Variants in TNIP1 observed in about 807,000 individuals in gnomAD.
The protein encoded by TNIP1 is TNFAIP3-interacting protein 1.
Under a neutral mutation model 86.6 loss-of-function variants are expected in TNIP1, and 22 were observed. The ratio of observed to expected loss-of-function variants is 0.25; its 90% confidence interval spans 0.18 to 0.36. TNIP1 has a LOEUF of 0.36. TNIP1 is among the 10% of genes least tolerant of loss of function. The pLI is 1.00. For missense variants in TNIP1, 709 were observed against 820.6 expected, an observed-to-expected ratio of 0.86 and a Z score of 1.66; for synonymous variants, 294 against 313.0, an observed-to-expected ratio of 0.94 and a Z score of 0.64.
At chr5:151,076,317 T>C (rs1763389806) in intron 1 of TNIP1, among the ~76,000 whole-genome samples, 1 of 151,928 alleles carries the variant, frequency 6.6e-6, no homozygotes, top group Admixed American at 6.6e-5. Flanking sequence ...CGGCCAGGGA[T>C]AGGAGGGGCA....
At chr5:151,060,057 G>A (rs1561514604) in intron 5 of TNIP1, among the ~76,000 whole-genome samples, 1 of 152,304 alleles carries the variant, frequency 6.6e-6, no homozygotes, top group East Asian at 1.9e-4. Context: ...CCTGGCCCCT[G>A]GCAGAAGGCA....
intron 3 of TNIP1, 35 bp downstream of exon 3, chr5:151,063,578 A>G (rs1561521467): frequency 1.2e-6 from 2 of 1,609,122 alleles, no homozygotes; most frequent in Admixed American, 1.7e-5. Context: ...TTTGGGGTAC[A>G]GGGAGAGTCA....
At chr5:151,041,087 T>G (rs1174032238) in intron 11 of TNIP1, among the ~76,000 whole-genome samples, 1 of 151,714 alleles carries the variant, frequency 6.6e-6, no homozygotes, top group Non-Finnish European at 1.5e-5. Context: ...TTTTTTTTTT[T>G]TGAGACAGGG....
intron 17 of TNIP1, 107 bp from the exon 18 acceptor site, chr5:151,030,854 C>G: frequency 1.1e-6 from 1 of 934,442 alleles, no homozygotes; most frequent in African/African-American, 1.7e-5. Flanking sequence ...GCTAGGGTTA[C>G]TGGGTGCTAC....
At chr5:151,074,245 T>C (rs1763136014) in intron 1 of TNIP1, among the ~76,000 whole-genome samples, 1 of 151,988 alleles carries the variant, frequency 6.6e-6, no homozygotes, top group Admixed American at 6.6e-5. Context: ...TTTTAAAATA[T>C]TTTTCTAAAA....
intron 1 of TNIP1, among the ~76,000 whole-genome samples, chr5:151,069,117 G>A (rs188792142): frequency 2.0e-5 from 3 of 152,328 alleles, no homozygotes; most frequent in Admixed American, 1.3e-4. Context: ...TGCTGAAACC[G>A]AAGGAGCCAC....
chr5:151,047,410 G>T (rs1759316183), intron 8 of TNIP1, among the ~76,000 whole-genome samples: 1 of 152,170 alleles, frequency 6.6e-6, no homozygotes, highest in Non-Finnish European at 1.5e-5. Flanking sequence ...GAACAGCTAG[G>T]AACTGTCACA....
chr5:151,039,123 C>T lies in TNIP1; in HGVS notation c.1237G>A (p.Glu413Lys). ...SPLTRQREYQ[E>K]KEIQRLNKAL... ...TTGTTGAGCCGCTGGATCTCCTTTT[C>T]CTGGTACTCACGCTGTCGGGTGAGT... Residue 413 changes from glutamate (E) to lysine (K), a missense_variant, in exon 12 of 18, where the codon GAA (glutamate) becomes AAA (lysine). Glu to Lys is a moderately conservative substitution (Grantham distance 56). Transcript: ENST00000521591. The T allele has an allele frequency of 1.2e-6, 2 of 1,613,986 alleles. No homozygotes were observed. The highest frequency in any genetic ancestry group is 1.7e-6 in the Non-Finnish European group (2 of 1,179,936).
rs140070453 is a variant in TNIP1 at position 151,031,934 on chromosome 5, C to T, written c.1876+353G>A. On this transcript the variant is annotated intron_variant, in intron 17 of 17. Coordinates refer to ENST00000521591, the MANE Select transcript of TNIP1 (RefSeq NM_006058.5). The stretch of plus-strand genomic sequence containing the variant: ...TCTGCTCCCACAGAAACCGGCTCTT[C>T]TTCCTTTAGGGCACTTGAGTGCAGC... 5.3e-3 allele frequency: 1,010 copies of T among 191,752 alleles called. 4 individuals carry two copies. Among genetic ancestry groups the T allele is most frequent in the Non-Finnish European group, 5.8e-3 (553 of 94,734 alleles). The allele number at this position is 191,752 out of a possible 1,614,324, so 11.9% of individuals were successfully genotyped here.
chr5:151,066,839 A>G (rs780468142), intron 1 of TNIP1, among the ~76,000 whole-genome samples: 4 of 152,170 alleles, frequency 2.6e-5, no homozygotes, highest in Non-Finnish European at 5.9e-5. Flanking sequence ...GCCAGGACAC[A>G]GAGCCAGAGG....
At chr5:151,038,795 T>C (rs2113348634) in intron 12 of TNIP1, among the ~76,000 whole-genome samples, 1 of 152,026 alleles carries the variant, frequency 6.6e-6, no homozygotes, top group Middle Eastern at 3.4e-3. Context: ...GCAACCTGAA[T>C]GAGATTCTGG....
rs900147632 is a variant in TNIP1 at position 151,044,625 on chromosome 5, G to A, written c.936+1236C>T. ...CATCAAGAAGCTTTCAAATGTGCGG[G>A]AGGACAAGGGGAGGCAGGCTCAGGG... On this transcript the variant is annotated intron_variant, in intron 9 of 17. Coordinates refer to ENST00000521591, the MANE Select transcript of TNIP1 (RefSeq NM_006058.5). Among the ~76,000 whole-genome samples, 12 of 152,188 alleles carry A rather than the reference G, an allele frequency of 7.9e-5. 2 individuals carry two copies. The highest frequency in any genetic ancestry group is 7.9e-4 in the Admixed American group (12 of 15,284).
chr5:151,032,231 G>T, intron 17 of TNIP1, 56 bp downstream of exon 17: 1 of 1,444,730 alleles, frequency 6.9e-7, no homozygotes, highest in Non-Finnish European at 9.6e-7. Flanking sequence ...GGCAATGCTG[G>T]CAGATAAGAT....
chr5:151,050,088 A>T, intron 7 of TNIP1, 141 bp from the exon 8 acceptor site: 2 of 1,399,534 alleles, frequency 1.4e-6, no homozygotes, highest in Admixed American at 4.3e-5. Context: ...CCTCCTGGAA[A>T]ACCAAAAAGG....
chr5:151,041,019 C>G (rs559614389), intron 11 of TNIP1, among the ~76,000 whole-genome samples: 2 of 151,818 alleles, frequency 1.3e-5, no homozygotes, highest in South Asian at 4.2e-4. Flanking sequence ...AAGAAAGAAT[C>G]TGGTCTCACT....
intron 1 of TNIP1, among the ~76,000 whole-genome samples, 170 bp downstream of exon 1, chr5:151,080,710 G>A (rs1395875502): frequency 6.6e-6 from 1 of 152,194 alleles, no homozygotes; most frequent in Admixed American, 6.5e-5. Context: ...AGGGAGTAGC[G>A]GCTCAGCCCG....
intron 8 of TNIP1, among the ~76,000 whole-genome samples, 162 bp downstream of exon 8, chr5:151,049,662 A>G (rs1400249150): frequency 6.6e-6 from 1 of 152,168 alleles, no homozygotes; most frequent in African/African-American, 2.4e-5. Context: ...GCCTCTAAGC[A>G]TGGAGGTCAG....
rs1761581084 is a variant in TNIP1 at position 151,061,626 on chromosome 5, C to A, written c.357+501G>T. ...CCTCCCAAGTAGCTGGAACCACAGA[C>A]ATACACCATCACACCTGACTACTTT... is the stretch of plus-strand genomic sequence containing the variant. On this transcript the variant is annotated intron_variant, in intron 4 of 17. Coordinates refer to ENST00000521591, the MANE Select transcript of TNIP1 (RefSeq NM_006058.5). Among the ~76,000 whole-genome samples the A allele has an allele frequency of 4.6e-5, 7 of 152,250 alleles. No individual in the cohort carries two copies. In the South Asian group the frequency reaches 1.2e-3, roughly 27 times the overall value.
intron 8 of TNIP1, chr5:151,046,242 A>G (rs1042760655): frequency 2.4e-6 from 1 of 420,382 alleles, no homozygotes; most frequent in Non-Finnish European, 4.4e-6. Flanking sequence ...CTAAGGTACT[A>G]CCAGCCACTC....
Sources: allele counts gnomAD v4.1 joint callset (sites outside exome capture counted in the v4.1 genomes callset), GRCh38; gene constraint gnomAD v4.1.1; transcripts MANE v1.5; gene names NCBI Gene and HGNC (gene_info 2026-07-23, HGNC 2026-07-21).